The following ZNRF3 variants were observed in gnomAD, a reference collection of about 807,000 sequenced individuals.
The protein encoded by ZNRF3 is E3 ubiquitin-protein ligase ZNRF3.
Under a neutral mutation model 72.5 loss-of-function variants are expected in ZNRF3, and 23 were observed. That is an observed-to-expected ratio of 0.32 (90% CI 0.23 to 0.45). ZNRF3 has a LOEUF of 0.45. Among genes scored for constraint, ZNRF3 ranks in the 20% least tolerant of loss-of-function variants. The probability of loss-of-function intolerance (pLI) is 1.00; values close to 1 mark genes in which losing one functional copy is unlikely to be tolerated. For synonymous variants in ZNRF3, 610 were observed against 545.3 expected (o/e 1.12, Z -1.65); for missense variants, 1,169 against 1,272.1 (o/e 0.92, Z 1.23).
At chr22:28,895,008 A>T (rs1185249952) in intron 1 of ZNRF3, among the ~76,000 whole-genome samples, 1 of 152,094 alleles carries the variant, frequency 6.6e-6, no homozygotes, top group Non-Finnish European at 1.5e-5. Context: ...TGCCCAGCTT[A>T]CTTCCCTCAC....
chr22:28,996,921 G>T (rs2036053928), intron 2 of ZNRF3, among the ~76,000 whole-genome samples: 1 of 152,164 alleles, frequency 6.6e-6, no homozygotes, highest in African/African-American at 2.4e-5. Context: ...GTGGGGATGA[G>T]GGGCCTTATC....
intron 1 of ZNRF3, among the ~76,000 whole-genome samples, chr22:28,910,490 C>T (rs576576352): frequency 1.4e-4 from 21 of 152,352 alleles, no homozygotes; most frequent in African/African-American, 4.3e-4. Flanking sequence ...AGGTCTGCAA[C>T]AGGCTTTGGA....
intron 1 of ZNRF3, among the ~76,000 whole-genome samples, chr22:28,930,193 C>G (rs1482176721): frequency 6.6e-6 from 1 of 151,810 alleles, no homozygotes; most frequent in Non-Finnish European, 1.5e-5. Flanking sequence ...TTTAGTCTTT[C>G]TATCCAAAGT....
intron 1 of ZNRF3, among the ~76,000 whole-genome samples, chr22:28,940,980 C>T (rs887404250): frequency 2.6e-5 from 4 of 151,988 alleles, no homozygotes; most frequent in Non-Finnish European, 5.9e-5. Flanking sequence ...TTTTCCTCCC[C>T]CTTTTTGGAC....
At chr22:28,917,443 A>C (rs1000143793) in intron 1 of ZNRF3, 42 of 985,292 alleles carry the variant, frequency 4.3e-5, no homozygotes, top group Non-Finnish European at 5.1e-5. Flanking sequence ...TGTGGTGTCC[A>C]CTTAATCTTA....
chr22:29,029,190 C>G (rs529877764), intron 2 of ZNRF3, among the ~76,000 whole-genome samples: 26 of 152,200 alleles, frequency 1.7e-4, no homozygotes, highest in Non-Finnish European at 3.7e-4. Flanking sequence ...GAAAGCTCAC[C>G]TGGAACCTAT....
intron 1 of ZNRF3, among the ~76,000 whole-genome samples, chr22:28,974,152 G>A (rs952514631): frequency 2.0e-5 from 3 of 151,860 alleles, no homozygotes; most frequent in Non-Finnish European, 4.4e-5. Context: ...TAGTAGAGAC[G>A]GAGTTTCACC....
chr22:29,024,775 C>T (rs1205183992), intron 2 of ZNRF3, among the ~76,000 whole-genome samples: 1 of 151,900 alleles, frequency 6.6e-6, no homozygotes, highest in African/African-American at 2.4e-5. Flanking sequence ...TTAGGGAACC[C>T]CTTCCAGAAA....
intron 2 of ZNRF3, among the ~76,000 whole-genome samples, chr22:29,014,724 C>A (rs1470624993): frequency 6.6e-6 from 1 of 152,152 alleles, no homozygotes; most frequent in African/African-American, 2.4e-5. Context: ...GTTCACTGCC[C>A]CCATGGGGCT....
chr22:28,884,117 C>CG, intron 1 of ZNRF3, 51 bp downstream of exon 1: 1 of 1,069,906 alleles, frequency 9.3e-7, no homozygotes. Context: ...AAGATGGCTC[C>CG]GGGGGCTGCG....
chr22:28,990,433 C>CCAGCA (rs2035933468), intron 2 of ZNRF3, among the ~76,000 whole-genome samples: 1 of 152,030 alleles, frequency 6.6e-6, no homozygotes, highest in South Asian at 2.1e-4. Flanking sequence ...ACTTGTAATC[C>CCAGCA]CAGCACTTTG....
At chr22:28,923,314 T>C (rs1396483511) in intron 1 of ZNRF3, among the ~76,000 whole-genome samples, 2 of 152,092 alleles carry the variant, frequency 1.3e-5, no homozygotes, top group African/African-American at 2.4e-5. Flanking sequence ...CCCCTCCCCA[T>C]GCAGGGATTG....
Position 29,056,992 on chromosome 22 carries a change from C to T in ZNRF3, c.*3370C>T, listed in dbSNP as rs1056969936. 3 of 152,186 alleles carry T rather than the reference C, an allele frequency of 2.0e-5. No homozygotes were observed. The highest frequency in any genetic ancestry group is 4.4e-5 in the Non-Finnish European group (3 of 68,034). The allele number at this position is 152,186 out of a possible 1,614,324, so 9.4% of individuals were successfully genotyped here. A position where few individuals can be genotyped will look rare whatever the true frequency, so the allele number is the denominator to read the frequency against. ...GACTATTATTCTTTAAACAGAACTGCCTTTTTCTACTCTTTATGTAAACTC... is the reference window on the plus strand; with the variant it reads ...GACTATTATTCTTTAAACAGAACTGTCTTTTTCTACTCTTTATGTAAACTC... On this transcript the variant is annotated 3_prime_UTR_variant, in exon 9 of 9. Coordinates refer to ENST00000544604, the MANE Select transcript of ZNRF3 (RefSeq NM_001206998.2).
rs2037278163 is a variant in ZNRF3 at position 29,055,179 on chromosome 22, T to A, written c.*1557T>A. On this transcript the variant is annotated 3_prime_UTR_variant, in exon 9 of 9. Coordinates refer to ENST00000544604, the MANE Select transcript of ZNRF3 (RefSeq NM_001206998.2). ...GGGATTGTCATCCTTTTTTGTCCAA[T>A]GTATTCCTTGTTCTTTAAAAAAATT... 6.5e-6 allele frequency: 1 copy of A among 152,754 alleles called. No individual in the cohort carries two copies. Among genetic ancestry groups the A allele is most frequent in the African/African-American group, 2.4e-5 (1 of 41,586 alleles). 9.5% of individuals were successfully genotyped at this position (152,754 alleles called of 1,614,324 possible).
intron 1 of ZNRF3, among the ~76,000 whole-genome samples, chr22:28,884,385 G>A (rs1288990953): frequency 6.6e-6 from 1 of 152,224 alleles, no homozygotes; most frequent in East Asian, 1.9e-4. Context: ...TGGAAGTCCC[G>A]GGAACTACCT....
chr22:29,022,532 G>C (rs2036558955), intron 2 of ZNRF3, among the ~76,000 whole-genome samples: 1 of 152,200 alleles, frequency 6.6e-6, no homozygotes, highest in Admixed American at 6.5e-5. Flanking sequence ...ATGTGACTGT[G>C]TGACCAGCAG....
chr22:29,021,478 C>T (rs1209442703), intron 2 of ZNRF3, among the ~76,000 whole-genome samples: 1 of 142,280 alleles, frequency 7.0e-6, no homozygotes, highest in Non-Finnish European at 1.5e-5. Flanking sequence ...TCCCCTCACT[C>T]CTTGTTTTAA....
intron 2 of ZNRF3, among the ~76,000 whole-genome samples, chr22:29,032,494 G>A (rs376101668): frequency 6.6e-6 from 1 of 152,200 alleles, no homozygotes; most frequent in Admixed American, 6.5e-5. Flanking sequence ...TAAAAAGGCT[G>A]TCAGGAAATG....
chr22:29,004,414 C>T (rs1013819163), intron 2 of ZNRF3, among the ~76,000 whole-genome samples: 8 of 152,198 alleles, frequency 5.3e-5, no homozygotes, highest in African/African-American at 1.9e-4. Flanking sequence ...GCCACCTTTT[C>T]AGTCTCTGTA....
Sources: allele counts gnomAD v4.1 joint callset (sites outside exome capture counted in the v4.1 genomes callset), GRCh38; gene constraint gnomAD v4.1.1; transcripts MANE v1.5; gene names NCBI Gene and HGNC (gene_info 2026-07-23, HGNC 2026-07-21).